The following KIAA1549 variants were observed in gnomAD, a reference collection of about 807,000 sequenced individuals.
KIAA1549 encodes KIAA1549.
KIAA1549 carries 70 observed loss-of-function variants against 156.4 expected under a neutral mutation model. The observed-to-expected ratio is 0.45, with a 90% CI of 0.37 to 0.55. The LOEUF (loss-of-function observed/expected upper bound fraction) is 0.55. KIAA1549 is among the 20% of genes least tolerant of loss of function. The pLI, the probability that KIAA1549 is intolerant of heterozygous loss-of-function variation, is 0.00. For synonymous variants in KIAA1549, 1,103 were observed against 1,066.4 expected, an observed-to-expected ratio of 1.03 and a Z score of -0.67; for missense variants, 2,428 against 2,540.9, an observed-to-expected ratio of 0.96 and a Z score of 0.96.
chr7:138,950,545 T>C (rs1813464717), intron 1 of KIAA1549, among the ~76,000 whole-genome samples: 1 of 152,238 alleles, frequency 6.6e-6, no homozygotes, highest in Non-Finnish European at 1.5e-5. Flanking sequence ...AGGGGACTCT[T>C]GTCATTTAAA....
At chr7:138,864,015 C>A (rs1211458748) in intron 15 of KIAA1549, among the ~76,000 whole-genome samples, 51 of 152,120 alleles carry the variant, frequency 3.4e-4, no homozygotes, top group Admixed American at 3.3e-3. Context: ...ATGAGGAAGC[C>A]TGGTCGGCAG....
chr7:138,883,203 T>C lies in KIAA1549; in HGVS notation c.4033-1619A>G, dbSNP rs189808653. Among the ~76,000 whole-genome samples the C allele has an allele frequency of 3.0e-3, 450 of 148,000 alleles. 4 individuals are homozygous for C. Among genetic ancestry groups the C allele is most frequent in the African/African-American group, 0.011 (433 of 39,912 alleles). On this transcript the variant is annotated intron_variant, in intron 10 of 19. Coordinates refer to ENST00000422774, the MANE Select transcript of KIAA1549 (RefSeq NM_001164665.2). ...CAGGAGAATCACTTCAACCTAGGAGTTGGAGATTTCAGTAAACTGAGATCG... is the reference window on the plus strand; with the variant it reads ...CAGGAGAATCACTTCAACCTAGGAGCTGGAGATTTCAGTAAACTGAGATCG...
At chr7:138,946,295 A>G (rs1813333853) in intron 1 of KIAA1549, among the ~76,000 whole-genome samples, 2 of 152,184 alleles carry the variant, frequency 1.3e-5, no homozygotes, top group South Asian at 4.1e-4. Context: ...TGATTTCTGC[A>G]GAGGAACCAG....
rs1415823776 is a variant in KIAA1549 at position 138,918,052 on chromosome 7, T to C, written c.1574A>G (p.His525Arg). The C allele has an allele frequency of 1.9e-6, 3 of 1,612,202 alleles. No homozygotes were observed. In the Admixed American group the frequency reaches 5.0e-5, roughly 27 times the overall value. Residue 525 changes from histidine to arginine, a missense_variant, in exon 2 of 20, where the codon CAC becomes CGC. By Grantham distance (29) the His-to-Arg change is conservative (BLOSUM62 0). This residue lies in a region of KIAA1549 where 893 missense variants were observed against 847.9 expected (regional missense o/e 1.05). Coordinates refer to ENST00000422774, the MANE Select transcript of KIAA1549 (RefSeq NM_001164665.2). This position sits in a 1 kb window ranked among gnomAD's most constrained non-coding sequence, Gnocchi z 4.2. ...SVTTTQVPPA[H>R]GRLSVPASLD... ...TGACGCCGGCACAGAGAGGCGGCCG[T>C]GGGCAGGGGGAACCTGTGTGGTTGT...
chr7:138,941,929 T>G (rs750752665), intron 1 of KIAA1549, among the ~76,000 whole-genome samples: 35 of 150,084 alleles, frequency 2.3e-4, no homozygotes, highest in Non-Finnish European at 4.4e-4. Context: ...CTGAATTGTA[T>G]GCTTAAAAGT....
chr7:138,871,139 T>C lies in KIAA1549; in HGVS notation c.4551+18A>G. ...GCCGAGTTTTTTAAGTAACAGACTT[T>C]TAAATAAAAGCAAATACCTCTTTGT... On this transcript the variant is annotated intron_variant, in intron 13 of 19. Coordinates refer to ENST00000422774, the MANE Select transcript of KIAA1549 (RefSeq NM_001164665.2). The C allele has an allele frequency of 1.2e-6, 2 of 1,606,888 alleles. No individual in the cohort carries two copies. Among genetic ancestry groups the C allele is most frequent in the South Asian group, 1.1e-5 (1 of 90,854 alleles).
chr7:138,972,070 G>A (rs1008076362), intron 1 of KIAA1549, among the ~76,000 whole-genome samples: 4 of 152,068 alleles, frequency 2.6e-5, no homozygotes, highest in African/African-American at 9.7e-5. Context: ...TGAGGGCAGT[G>A]GTGGCAGCGA....
intron 2 of KIAA1549, 115 bp downstream of exon 2, chr7:138,916,633 A>G: frequency 6.7e-7 from 1 of 1,488,594 alleles, no homozygotes. Context: ...CTGGGAGTTA[A>G]CTGAGCCCAG....
rs373165763 is a variant in KIAA1549 at position 138,838,465 on chromosome 7, G to A, written c.5599-305C>T. ...GAACAGGTGCCTCTGCCCTGGACTG[G>A]AGCCTACGCAACCATCTTCTGCTTT... On this transcript the variant is annotated intron_variant, in intron 19 of 19. Transcript: ENST00000422774. Among the ~76,000 whole-genome samples, 10 of 152,294 alleles carry A rather than the reference G, an allele frequency of 6.6e-5. No homozygotes were observed. The South Asian group carries it at 1.7e-3, about 25-fold the overall frequency.
chr7:138,920,520 A>C lies in KIAA1549; in HGVS notation c.188-1082T>G, dbSNP rs371579713. ...AATCCAAGGATACCAAGTTCTGACA[A>C]CAAAAGCCAACATTATCCCATCATC... is the stretch of plus-strand genomic sequence containing the variant. On this transcript the variant is annotated intron_variant, in intron 1 of 19. Transcript: ENST00000422774. Among the ~76,000 whole-genome samples the C allele has an allele frequency of 4.6e-5, 7 of 152,376 alleles. No individual in the cohort carries two copies. In the South Asian group the frequency reaches 6.2e-4, roughly 14 times the overall value.
chr7:138,972,097 T>C lies in KIAA1549; in HGVS notation c.187+8986A>G, dbSNP rs115293116. On this transcript the variant is annotated intron_variant, in intron 1 of 19. Coordinates refer to ENST00000422774, the MANE Select transcript of KIAA1549 (RefSeq NM_001164665.2). ...TGGCAGCGATGGTACAGCAGAAACA[T>C]TCAAGACGGACTTCCTCCCCTCCCA... Among the ~76,000 whole-genome samples the C allele has an allele frequency of 8.5e-3, 1,298 of 152,154 alleles. 22 individuals are homozygous for C. The highest frequency in any genetic ancestry group is 0.029 in the African/African-American group (1,216 of 41,482).
chr7:138,869,293 G>A (rs773221680), intron 14 of KIAA1549, among the ~76,000 whole-genome samples: 12 of 152,252 alleles, frequency 7.9e-5, no homozygotes, highest in South Asian at 2.1e-4. Flanking sequence ...GAGGGGCAGA[G>A]TTGAGAACAA....
chr7:138,862,093 A>T (rs866499418), intron 15 of KIAA1549, among the ~76,000 whole-genome samples: 38 of 152,342 alleles, frequency 2.5e-4, no homozygotes, highest in African/African-American at 8.9e-4. Flanking sequence ...AAAAACTAGT[A>T]AATTTTCCCT....
In KIAA1549 at chr7:138,894,473, C is replaced by G. The variant is rs535108551; in HGVS notation, c.3901G>C (p.Val1301Leu). The G allele has an allele frequency of 6.2e-7, 1 of 1,614,032 alleles. No homozygotes were observed. Among genetic ancestry groups the G allele is most frequent in the Admixed American group, 1.7e-5 (1 of 60,026 alleles). The change falls in exon 10 of 20, where the codon GTC (valine) becomes CTC (leucine). Residue 1301 changes from valine (V) to leucine (L), a missense_variant. Physicochemically the swap from Val to Leu is conservative, Grantham distance 32. Around this residue, in one of 5 missense-constraint regions of KIAA1549, gnomAD observed 762 missense variants for 901.6 expected, o/e 0.85. Coordinates refer to ENST00000422774, the MANE Select transcript of KIAA1549 (RefSeq NM_001164665.2). ...SPESQSNNLW[V>L]IVGVVIPVLV... ...ACTGGGATGACCACGCCAACAATGA[C>G]CCACAAGTTGTTGCTCTGGGATTCC...
chr7:138,943,642 GA>G (rs1248041376), intron 1 of KIAA1549, among the ~76,000 whole-genome samples: 4 of 152,272 alleles, frequency 2.6e-5, no homozygotes, highest in East Asian at 3.9e-4. Flanking sequence ...AAGGTCAGGA[GA>G]TCGAGACCAT....
chr7:138,882,643 G>T (rs534667900), intron 10 of KIAA1549, among the ~76,000 whole-genome samples: 6 of 152,164 alleles, frequency 3.9e-5, no homozygotes, highest in Non-Finnish European at 8.8e-5. Flanking sequence ...TTGGGGCTAA[G>T]AAGAGAAAAA....
intron 17 of KIAA1549, among the ~76,000 whole-genome samples, chr7:138,846,043 C>T (rs903097619): frequency 3.9e-5 from 6 of 152,158 alleles, no homozygotes; most frequent in African/African-American, 1.4e-4. Context: ...CTATATATTT[C>T]CTCTTTTGTC....
chr7:138,953,901 C>A (rs1343206356), intron 1 of KIAA1549, among the ~76,000 whole-genome samples: 1 of 152,078 alleles, frequency 6.6e-6, no homozygotes, highest in East Asian at 1.9e-4. Flanking sequence ...GTTATTGGTA[C>A]GTACGGTTTA....
At position 138,833,399 on chromosome 7, in the gene KIAA1549, C is replaced by G. The variant is rs118059213; in HGVS notation, c.*4507G>C. The G allele has an allele frequency of 7.9e-3, 1,837 of 232,250 alleles. 10 individuals carry two copies. The highest frequency in any genetic ancestry group is 0.012 in the Non-Finnish European group (1,417 of 117,488). 14.4% of individuals were successfully genotyped at this position (232,250 alleles called of 1,614,324 possible). A position where few individuals can be genotyped will look rare whatever the true frequency, so the allele number is the denominator to read the frequency against. ...CTGGAACACTTAGAAAAAAGTTGTG[C>G]GAAAGAAGGAACGCTGAACCTGTCC... is the stretch of plus-strand genomic sequence containing the variant. On this transcript the variant is annotated 3_prime_UTR_variant, in exon 20 of 20. Transcript: ENST00000422774.
Sources: allele counts gnomAD v4.1 joint callset (sites outside exome capture counted in the v4.1 genomes callset), GRCh38; gene constraint gnomAD v4.1.1; regional missense constraint gnomAD v4.1.1; non-coding constraint Gnocchi (gnomAD v3.1); transcripts MANE v1.5; gene names NCBI Gene and HGNC (gene_info 2026-07-23, HGNC 2026-07-21).